XYLT1: variants seen among roughly 807,000 people sequenced by gnomAD.
The protein encoded by XYLT1 is beta-D-xylosyltransferase 1.
In XYLT1, 36 loss-of-function variants were observed where a neutral mutation model predicts 91.3. The observed-to-expected ratio is 0.39, with a 90% confidence interval of 0.30 to 0.52. The LOEUF (loss-of-function observed/expected upper bound fraction) is 0.52, where lower values mean the gene tolerates loss of function less well. Ranked by LOEUF, XYLT1 falls within the 20% of genes least tolerant of loss-of-function variation. The pLI is 0.68. For missense variants in XYLT1, 1,242 were observed against 1,284.5 expected, an observed-to-expected ratio of 0.97 and a Z score of 0.51; for synonymous variants, 588 against 532.0, an observed-to-expected ratio of 1.11 and a Z score of -1.45.
chr16:17,436,814 G>A (rs150110274), intron 1 of XYLT1, among the ~76,000 whole-genome samples: 117 of 152,252 alleles, frequency 7.7e-4, no homozygotes, highest in Non-Finnish European at 1.4e-3. Flanking sequence ...TTTCTGTTAC[G>A]CTGACAATAC....
chr16:17,217,715 G>GT (rs1370469651), intron 3 of XYLT1, among the ~76,000 whole-genome samples: 1 of 152,202 alleles, frequency 6.6e-6, no homozygotes, highest in Non-Finnish European at 1.5e-5. Flanking sequence ...ACAGATCAAC[G>GT]TATTTTACAA....
At chr16:17,396,148 T>G (rs967920951) in intron 1 of XYLT1, among the ~76,000 whole-genome samples, 3 of 151,864 alleles carry the variant, frequency 2.0e-5, no homozygotes, top group Non-Finnish European at 4.4e-5. Context: ...CAATGCAACG[T>G]TTGTATCTAC....
chr16:17,464,748 G>C (rs1003573761), intron 1 of XYLT1, among the ~76,000 whole-genome samples: 3 of 151,708 alleles, frequency 2.0e-5, no homozygotes, highest in African/African-American at 7.3e-5. Context: ...CCTTGTATTT[G>C]CATCATGAGT....
intron 3 of XYLT1, among the ~76,000 whole-genome samples, chr16:17,237,006 C>T (rs565711005): frequency 6.6e-6 from 1 of 152,242 alleles, no homozygotes; most frequent in African/African-American, 2.4e-5. Context: ...GTATAGGATT[C>T]TGAAATTCTG....
chr16:17,136,150 T>A (rs2030711031), intron 8 of XYLT1, among the ~76,000 whole-genome samples: 1 of 152,212 alleles, frequency 6.6e-6, no homozygotes, highest in African/African-American at 2.4e-5. Context: ...TACCTCTAAT[T>A]TTCCCTGTAA....
At chr16:17,146,184 G>A (rs1436187346) in intron 6 of XYLT1, among the ~76,000 whole-genome samples, 3 of 152,134 alleles carry the variant, frequency 2.0e-5, no homozygotes, top group Non-Finnish European at 4.4e-5. Flanking sequence ...TACATTCTTA[G>A]CATTTCTTTT....
intron 2 of XYLT1, among the ~76,000 whole-genome samples, chr16:17,317,466 C>T (rs573067749): frequency 1.0e-3 from 153 of 151,612 alleles, no homozygotes; most frequent in African/African-American, 3.5e-3. Flanking sequence ...TAACTCATCA[C>T]TACACAAAAT....
intron 1 of XYLT1, among the ~76,000 whole-genome samples, chr16:17,406,680 C>T (rs1287384250): frequency 6.6e-6 from 1 of 152,120 alleles, no homozygotes; most frequent in Non-Finnish European, 1.5e-5. Flanking sequence ...TTCACGCCAA[C>T]CTTCCCCAGC....
chr16:17,350,163 C>T (rs529695214), intron 2 of XYLT1, among the ~76,000 whole-genome samples: 54 of 152,250 alleles, frequency 3.5e-4, no homozygotes, highest in Admixed American at 1.1e-3. Flanking sequence ...CGTGAGCCAC[C>T]GTGCCCAGCC....
intron 3 of XYLT1, among the ~76,000 whole-genome samples, chr16:17,254,659 T>C (rs951919436): frequency 3.9e-5 from 6 of 152,070 alleles, no homozygotes; most frequent in African/African-American, 1.4e-4. Context: ...CCTCCCAAAG[T>C]GCTGGGATTA....
chr16:17,379,795 C>CA (rs2035656799), intron 1 of XYLT1, among the ~76,000 whole-genome samples: 1 of 104,498 alleles, frequency 9.6e-6, no homozygotes, highest in East Asian at 2.1e-4. Flanking sequence ...ACACACACAC[C>CA]CCTTACCTCC....
chr16:17,314,842 A>G (rs536477591), intron 2 of XYLT1, among the ~76,000 whole-genome samples: 28 of 152,318 alleles, frequency 1.8e-4, no homozygotes, highest in Non-Finnish European at 1.5e-4. Flanking sequence ...GACAGCTAGA[A>G]GCTTAGCCAA....
At chr16:17,147,575 T>C (rs2031168635) in intron 6 of XYLT1, among the ~76,000 whole-genome samples, 1 of 152,242 alleles carries the variant, frequency 6.6e-6, no homozygotes, top group Non-Finnish European at 1.5e-5. Flanking sequence ...AAAACTGATA[T>C]GCTGCAAACG....
intron 5 of XYLT1, among the ~76,000 whole-genome samples, chr16:17,162,557 C>T (rs1000938756): frequency 6.6e-6 from 1 of 152,000 alleles, no homozygotes; most frequent in Non-Finnish European, 1.5e-5. Flanking sequence ...ACGAGACTGC[C>T]TCTACAAATG....
At chr16:17,245,886 C>T (rs2033428380) in intron 3 of XYLT1, among the ~76,000 whole-genome samples, 1 of 152,224 alleles carries the variant, frequency 6.6e-6, no homozygotes, top group Non-Finnish European at 1.5e-5. Context: ...TCACCCCAGG[C>T]AATGAACTGA....
intron 1 of XYLT1, among the ~76,000 whole-genome samples, chr16:17,371,744 G>A (rs2035535427): frequency 6.6e-6 from 1 of 152,166 alleles, no homozygotes; most frequent in African/African-American, 2.4e-5. Flanking sequence ...GGTCTAAAAA[G>A]GTAAAATGAG....
At chr16:17,448,925 G>C (rs1410200965) in intron 1 of XYLT1, among the ~76,000 whole-genome samples, 1 of 152,160 alleles carries the variant, frequency 6.6e-6, no homozygotes, top group Non-Finnish European at 1.5e-5. Context: ...AGGAGCTGAG[G>C]CACAAAGACT....
At chr16:17,301,643 G>T (rs941895520) in intron 2 of XYLT1, among the ~76,000 whole-genome samples, 1 of 152,174 alleles carries the variant, frequency 6.6e-6, no homozygotes, top group Non-Finnish European at 1.5e-5. Context: ...ACCTTGCAAT[G>T]TCGCTGCCAA....
chr16:17,417,260 C>A (rs2036190430), intron 1 of XYLT1, among the ~76,000 whole-genome samples: 1 of 152,172 alleles, frequency 6.6e-6, no homozygotes, highest in Non-Finnish European at 1.5e-5. Flanking sequence ...TAAATATTAT[C>A]CTATTTTACA....
Sources: gnomAD v4.1 joint callset for allele counts (sites outside exome capture counted in the v4.1 genomes callset) on GRCh38, gnomAD v4.1.1 for gene constraint, MANE v1.5 for transcripts, NCBI Gene and HGNC (gene_info 2026-07-23, HGNC 2026-07-21) for gene names.